MICU3: variants seen among roughly 807,000 people sequenced by gnomAD.
The protein encoded by MICU3 is mitochondrial calcium uptake 3, also known as calcium uptake protein 3, mitochondrial.
In MICU3, 62 loss-of-function variants were observed where a neutral mutation model predicts 66.5. The ratio of observed to expected loss-of-function variants is 0.93; its 90% confidence interval spans 0.76 to 1.15. MICU3 has a LOEUF of 1.15. Ranked by LOEUF, MICU3 falls within the 50% of genes most tolerant of loss-of-function variation. The pLI is 0.00. For synonymous variants in MICU3, 308 were observed against 240.7 expected (o/e 1.28, Z -2.59); for missense variants, 779 against 664.4 (o/e 1.17, Z -1.90).
At chr8:17,115,148 G>A (rs1802568926) in intron 12 of MICU3, among the ~76,000 whole-genome samples, 3 of 151,460 alleles carry the variant, frequency 2.0e-5, no homozygotes, top group African/African-American at 7.3e-5. Context: ...CAGAGGACAG[G>A]CTATTATTAT....
chr8:17,052,260 TATG>T (rs1445729276), intron 1 of MICU3, among the ~76,000 whole-genome samples: 1 of 152,180 alleles, frequency 6.6e-6, no homozygotes, highest in Non-Finnish European at 1.5e-5. Context: ...ATGGGGTGTG[TATG>T]ATATTTTGAT....
chr8:17,027,900 C>A (rs1421943635), intron 1 of MICU3, among the ~76,000 whole-genome samples: 1 of 152,162 alleles, frequency 6.6e-6, no homozygotes, highest in Non-Finnish European at 1.5e-5. Flanking sequence ...TACCAAGTAT[C>A]AATCCAAACC....
At chr8:17,031,660 C>T (rs1812094004) in intron 1 of MICU3, among the ~76,000 whole-genome samples, 1 of 152,078 alleles carries the variant, frequency 6.6e-6, no homozygotes, top group African/African-American at 2.4e-5. Flanking sequence ...CTAAGAACTT[C>T]TGATTTATAA....
rs1799545881 is a variant in MICU3 at position 17,087,003 on chromosome 8, A to G, written c.817A>G (p.Ile273Val). The change falls in exon 7 of 15, where the codon ATT (isoleucine) becomes GTT (valine). Residue 273 changes from isoleucine to valine, a missense_variant. Ile to Val is a conservative substitution (Grantham distance 29, BLOSUM62 3). Transcript: ENST00000318063. ...IFRKKNEKRE[I>V]KGDEEKRAML... ...CAGGAAAAAAAATGAAAAGAGAGAA[A>G]TTAAAGGAGATGAAGAAAAGCGTGC... 2 of 1,607,864 alleles carry G rather than the reference A, an allele frequency of 1.2e-6. No homozygotes were observed. Among genetic ancestry groups the G allele is most frequent in the African/African-American group, 2.7e-5 (2 of 74,734 alleles).
chr8:17,138,392 G>A, the MICU3 span, among the ~76,000 whole-genome samples: 42 of 152,262 alleles, frequency 2.8e-4, no homozygotes, highest in East Asian at 1.3e-3. Context: ...ACCTTCAACC[G>A]TCATGGCAGG....
At chr8:17,056,722 A>C (rs973656738) in intron 1 of MICU3, among the ~76,000 whole-genome samples, 1 of 152,208 alleles carries the variant, frequency 6.6e-6, no homozygotes, top group African/African-American at 2.4e-5. Flanking sequence ...AAGGGATGTG[A>C]TTAATTAGGA....
At chr8:17,033,119 A>C (rs951560669) in intron 1 of MICU3, among the ~76,000 whole-genome samples, 2 of 152,210 alleles carry the variant, frequency 1.3e-5, no homozygotes, top group African/African-American at 4.8e-5. Flanking sequence ...ATGGCCTCTA[A>C]GTGTTCACGT....
intron 3 of MICU3, among the ~76,000 whole-genome samples, chr8:17,072,203 T>G (rs377032424): frequency 1.3e-5 from 2 of 152,208 alleles, no homozygotes; most frequent in South Asian, 4.2e-4. Context: ...AAGGATATTT[T>G]TAAAAACTAG....
intron 1 of MICU3, among the ~76,000 whole-genome samples, chr8:17,036,350 T>C (rs1310956601): frequency 6.6e-6 from 1 of 152,126 alleles, no homozygotes; most frequent in Admixed American, 6.5e-5. Flanking sequence ...GCAAGATTTA[T>C]TGCAAAGAGC....
chr8:17,094,626 GC>G (rs1303122717), intron 8 of MICU3, among the ~76,000 whole-genome samples: 1 of 151,752 alleles, frequency 6.6e-6, no homozygotes, highest in Non-Finnish European at 1.5e-5. Context: ...CAAGTGACAG[GC>G]TCTCGCTTGG....
chr8:17,035,284 T>C (rs1812772304), intron 1 of MICU3, among the ~76,000 whole-genome samples: 1 of 152,064 alleles, frequency 6.6e-6, no homozygotes, highest in Non-Finnish European at 1.5e-5. Flanking sequence ...TGGATACTGG[T>C]AGAGGGGGGT....
chr8:17,100,384 G>A (rs1417931945), intron 9 of MICU3, among the ~76,000 whole-genome samples: 3 of 151,616 alleles, frequency 2.0e-5, no homozygotes, highest in East Asian at 1.9e-4. Flanking sequence ...AACTTATATC[G>A]TGTTCCAGAG....
At chr8:17,074,879 C>T (rs964922297) in intron 3 of MICU3, among the ~76,000 whole-genome samples, 8 of 152,108 alleles carry the variant, frequency 5.3e-5, no homozygotes, top group African/African-American at 9.6e-5. Context: ...TTAATTCTGA[C>T]GCTAACCACT....
In MICU3 at chr8:17,093,745, C is replaced by T. The variant is rs552065406; in HGVS notation, c.888+3161C>T. On this transcript the variant is annotated intron_variant, in intron 8 of 14. Coordinates refer to ENST00000318063, the MANE Select transcript of MICU3 (RefSeq NM_181723.3). ...CCTAGATCTCTAGAAATGTTTTTTGCCGTAAAATCTCTTTTAGTTATCAGA... is the reference window on the plus strand; with the variant it reads ...CCTAGATCTCTAGAAATGTTTTTTGTCGTAAAATCTCTTTTAGTTATCAGA... 2.0e-5 allele frequency among the ~76,000 whole-genome samples: 3 copies of T among 151,738 alleles called. No homozygotes were observed. The East Asian group carries it at 5.8e-4, about 29-fold the overall frequency.
intron 8 of MICU3, 75 bp from the exon 9 acceptor site, chr8:17,098,383 G>C: frequency 2.0e-6 from 2 of 1,012,354 alleles, no homozygotes; most frequent in Non-Finnish European, 3.1e-6. Context: ...AGGTTGGTTA[G>C]ATTTAAAGTG....
At chr8:17,060,262 C>A (rs1436684818) in intron 1 of MICU3, among the ~76,000 whole-genome samples, 1 of 151,590 alleles carries the variant, frequency 6.6e-6, no homozygotes, top group East Asian at 1.9e-4. Flanking sequence ...TGGGATCAGA[C>A]CAATTTACTG....
intron 1 of MICU3, among the ~76,000 whole-genome samples, chr8:17,054,956 C>G (rs1410510544): frequency 2.6e-5 from 4 of 151,912 alleles, no homozygotes; most frequent in Non-Finnish European, 4.4e-5. Context: ...CCAGGATGGT[C>G]TCGATCTCCT....
At chr8:17,067,300 T>G (rs1183268691) in intron 2 of MICU3, among the ~76,000 whole-genome samples, 1 of 152,186 alleles carries the variant, frequency 6.6e-6, no homozygotes, top group Non-Finnish European at 1.5e-5. Context: ...GTTTCCTCAT[T>G]TATAAAAATA....
the MICU3 span, among the ~76,000 whole-genome samples, chr8:17,137,075 G>A: frequency 3.3e-5 from 5 of 151,872 alleles, no homozygotes; most frequent in South Asian, 2.1e-4. Flanking sequence ...CCTCATGATC[G>A]GCCTCCCAAA....
Sources: allele counts gnomAD v4.1 joint callset (sites outside exome capture counted in the v4.1 genomes callset), GRCh38; gene constraint gnomAD v4.1.1; transcripts MANE v1.5; gene names NCBI Gene and HGNC (gene_info 2026-07-23, HGNC 2026-07-21).